RBFOX1: variants seen among roughly 807,000 people sequenced by gnomAD.
RBFOX1 encodes the protein RNA binding protein fox-1 homolog 1.
Under a neutral mutation model 57.7 loss-of-function variants are expected in RBFOX1, and 8 were observed. That is an observed-to-expected ratio of 0.14 (90% CI 0.08 to 0.25). The LOEUF (loss-of-function observed/expected upper bound fraction) is 0.25. Ranked by LOEUF, RBFOX1 falls within the 10% of genes least tolerant of loss-of-function variation. RBFOX1 has a pLI of 1.00. For missense variants in RBFOX1, 611 were observed against 548.5 expected (o/e 1.11, Z -1.14); for synonymous variants, 326 against 222.4 (o/e 1.47, Z -4.15).
chr16:7,341,784 TTCCTTCCTTCCTTCC>T (rs2096901570), intron 4 of RBFOX1, among the ~76,000 whole-genome samples: 1 of 67,594 alleles, frequency 1.5e-5, no homozygotes, highest in Admixed American at 1.6e-4. Context: ...CCCTCCTTCC[TTCCTTCCTTCCTTCC>T]TTCCTTCCTT....
chr16:5,445,189 C>T (rs569474222), intron 1 of RBFOX1, among the ~76,000 whole-genome samples: 1 of 152,108 alleles, frequency 6.6e-6, no homozygotes, highest in African/African-American at 2.4e-5. Flanking sequence ...GTAGCTTAGA[C>T]CAGAGTGATA....
At chr16:6,967,412 T>G (rs2084513413) in intron 3 of RBFOX1, among the ~76,000 whole-genome samples, 1 of 152,162 alleles carries the variant, frequency 6.6e-6, no homozygotes, top group African/African-American at 2.4e-5. Flanking sequence ...GAAGGCCAGT[T>G]GAAGCCAGTT....
intron 3 of RBFOX1, among the ~76,000 whole-genome samples, chr16:6,927,687 G>A (rs560359952): frequency 6.9e-4 from 105 of 151,568 alleles, no homozygotes; most frequent in African/African-American, 2.4e-3. Context: ...GCCCTTTGGG[G>A]GAGCAGATTT....
At chr16:7,156,968 A>G (rs116680688) in intron 4 of RBFOX1, among the ~76,000 whole-genome samples, 1,593 of 152,326 alleles carry the variant, frequency 0.01, 21 homozygotes, top group African/African-American at 0.036. Flanking sequence ...TGCCTTTAAA[A>G]AAACACTTCC....
chr16:7,142,431 G>T (rs2074019154), intron 4 of RBFOX1, among the ~76,000 whole-genome samples: 1 of 152,114 alleles, frequency 6.6e-6, no homozygotes, highest in African/African-American at 2.4e-5. Flanking sequence ...TCTTCCATCA[G>T]CCCCTGTACC....
At chr16:6,651,114 C>G (rs62017865) in intron 2 of RBFOX1, among the ~76,000 whole-genome samples, 60,317 of 152,058 alleles carry the variant, frequency 0.4, 13,129 homozygotes, top group South Asian at 0.52. Context: ...ATTAGCCAGG[C>G]TGATCTCAAA....
At chr16:5,832,104 G>A (rs983434117) in intron 3 of RBFOX1, among the ~76,000 whole-genome samples, 3 of 152,212 alleles carry the variant, frequency 2.0e-5, no homozygotes, top group Non-Finnish European at 4.4e-5. Flanking sequence ...TGAGGGCTTA[G>A]GAGAGAACTG....
intron 2 of RBFOX1, among the ~76,000 whole-genome samples, chr16:6,468,299 T>A (rs1054277898): frequency 4.6e-5 from 7 of 152,146 alleles, no homozygotes; most frequent in African/African-American, 1.7e-4. Flanking sequence ...GTTACCCAGA[T>A]ATGTTGGCAG....
chr16:7,189,144 G>A (rs552678166), intron 4 of RBFOX1, among the ~76,000 whole-genome samples: 9 of 151,888 alleles, frequency 5.9e-5, no homozygotes, highest in Admixed American at 3.3e-4. Flanking sequence ...GAATCCTCAG[G>A]GCTGGGCACG....
chr16:5,812,701 GT>G (rs2055478143), intron 3 of RBFOX1, among the ~76,000 whole-genome samples: 1 of 152,074 alleles, frequency 6.6e-6, no homozygotes, highest in South Asian at 2.1e-4. Flanking sequence ...GCCTCAAGCA[GT>G]CCTTTCACCT....
At chr16:7,523,756 A>G (rs1464127319) in intron 5 of RBFOX1, among the ~76,000 whole-genome samples, 1 of 152,168 alleles carries the variant, frequency 6.6e-6, no homozygotes, top group East Asian at 1.9e-4. Flanking sequence ...TTTTTGTTAC[A>G]AACAATTACA....
At chr16:6,505,943 G>A (rs920894004) in intron 2 of RBFOX1, among the ~76,000 whole-genome samples, 2 of 152,174 alleles carry the variant, frequency 1.3e-5, no homozygotes, top group East Asian at 3.9e-4. Flanking sequence ...GTCAGGAGAG[G>A]AGGTTAGTGA....
chr16:7,048,604 A>AT (rs2048873507), intron 3 of RBFOX1, among the ~76,000 whole-genome samples: 2 of 151,926 alleles, frequency 1.3e-5, no homozygotes, highest in South Asian at 4.2e-4. Flanking sequence ...AATGCTGTCA[A>AT]TTTTTTTCTC....
chr16:5,664,689 A>G (rs761564950), intron 3 of RBFOX1, among the ~76,000 whole-genome samples: 9 of 152,178 alleles, frequency 5.9e-5, no homozygotes, highest in Non-Finnish European at 1.3e-4. Flanking sequence ...TGCTTTGAGT[A>G]TCAGAAAATC....
intron 2 of RBFOX1, among the ~76,000 whole-genome samples, chr16:5,589,027 A>G (rs1465053151): frequency 6.6e-6 from 1 of 152,184 alleles, no homozygotes; most frequent in East Asian, 1.9e-4. Flanking sequence ...TGTAGCTGAA[A>G]AACTGCATAG....
chr16:6,662,005 A>C lies in RBFOX1; in HGVS notation c.-16+7355A>C, dbSNP rs80031124. Among the ~76,000 whole-genome samples, 24 of 152,300 alleles carry C rather than the reference A, an allele frequency of 1.6e-4. No homozygotes were observed. In the East Asian group the frequency reaches 3.3e-3, roughly 21 times the overall value. On this transcript the variant is annotated intron_variant, in intron 3 of 15. Transcript: ENST00000550418. ...AACAAGATAGATGAACCTAGAGGAC[A>C]TTAGGTGAAGTGAAGTAAGCCACAC... is the stretch of plus-strand genomic sequence containing the variant.
intron 4 of RBFOX1, among the ~76,000 whole-genome samples, chr16:7,342,812 C>G (rs1455085561): frequency 1.3e-5 from 2 of 152,112 alleles, no homozygotes; most frequent in Non-Finnish European, 2.9e-5. Flanking sequence ...TTCCCACTCC[C>G]TAAGCCAATA....
intron 1 of RBFOX1, among the ~76,000 whole-genome samples, chr16:5,322,105 G>A (rs541333745): frequency 2.2e-4 from 34 of 152,270 alleles, no homozygotes; most frequent in Middle Eastern, 3.4e-3. Flanking sequence ...GAACCCTGAC[G>A]CATCTGATTC....
chr16:6,486,770 T>C (rs1219404853), intron 2 of RBFOX1, among the ~76,000 whole-genome samples: 1 of 152,180 alleles, frequency 6.6e-6, no homozygotes, highest in African/African-American at 2.4e-5. Context: ...TTTGCTCTTT[T>C]TGTTTTCTTT....
Sources: allele counts gnomAD v4.1 joint callset (sites outside exome capture counted in the v4.1 genomes callset), GRCh38; gene constraint gnomAD v4.1.1; transcripts MANE v1.5; gene names NCBI Gene and HGNC (gene_info 2026-07-23, HGNC 2026-07-21).